Variants in PIGT observed in about 807,000 individuals in gnomAD.
PIGT encodes the protein GPI-anchor transamidase component PIGT.
PIGT carries 57 observed loss-of-function variants against 66.7 expected under a neutral mutation model. The observed-to-expected ratio is 0.86, with a 90% CI of 0.69 to 1.07. PIGT has a LOEUF of 1.07. Ranked by LOEUF, PIGT falls within the 50% of genes least tolerant of loss-of-function variation. The probability of loss-of-function intolerance (pLI) is 0.00; values close to 1 mark genes in which losing one functional copy is unlikely to be tolerated. For synonymous variants in PIGT, 362 were observed against 320.5 expected (o/e 1.13, Z -1.38); for missense variants, 725 against 740.4 (o/e 0.98, Z 0.24).
In PIGT at chr20:45,416,243, C is replaced by T. The variant is rs1256812189; in HGVS notation, c.87C>T (p.Ser29=). The T allele has an allele frequency of 6.3e-6, 10 of 1,596,346 alleles. No individual in the cohort carries two copies. The highest frequency in any genetic ancestry group is 3.3e-4 in the Middle Eastern group (2 of 5,998). The change falls in exon 1 of 12, where the codon AGC becomes AGT. Residue 29 remains serine (S), a synonymous_variant. Transcript: ENST00000279036. ...GWCLAEPPRD[S]LREELVITPL... ...GCCTTGCAGAACCCCCACGCGACAGCCTGCGGGAGGAACTTGTCATCACCC... is the reference window on the plus strand; with the variant it reads ...GCCTTGCAGAACCCCCACGCGACAGTCTGCGGGAGGAACTTGTCATCACCC...
At chr20:45,424,630 C>A in intron 11 of PIGT, 51 bp downstream of exon 11, 2 of 1,458,398 alleles carry the variant, frequency 1.4e-6, no homozygotes, top group Non-Finnish European at 1.9e-6. Flanking sequence ...CCTGCTGGGC[C>A]TTAACACAGG....
At chr20:45,420,471 C>G (rs772414501) in intron 7 of PIGT, 42 bp downstream of exon 7, 1 of 1,610,806 alleles carries the variant, frequency 6.2e-7, no homozygotes, top group South Asian at 1.1e-5. Flanking sequence ...CACCGCTGGT[C>G]CCCAGGACCA....
At position 45,421,550 on chromosome 20, in the gene PIGT, A is replaced by G. The variant is rs753901894; in HGVS notation, c.1201A>G (p.Thr401Ala). ...TCTGCGGCTGTATGTGCACACCCTCACCATCACCTCCAAGGGCAAGGAGAA... is the reference window on the plus strand; with the variant it reads ...TCTGCGGCTGTATGTGCACACCCTCGCCATCACCTCCAAGGGCAAGGAGAA... Reference protein sequence around the residue: ...WYLRLYVHTLTITSKGKENKP... With the variant: ...WYLRLYVHTLAITSKGKENKP... The change falls in exon 9 of 12, where the codon ACC becomes GCC. Residue 401 changes from threonine to alanine, a missense_variant. This residue lies in a region of PIGT where 559 missense variants were observed against 552.7 expected (regional missense o/e 1.01). Coordinates refer to ENST00000279036, the MANE Select transcript of PIGT (RefSeq NM_015937.6). 11 of 1,613,848 alleles carry G rather than the reference A, an allele frequency of 6.8e-6. No homozygotes were observed. Among genetic ancestry groups the G allele is most frequent in the Non-Finnish European group, 9.3e-6 (11 of 1,179,972 alleles).
In PIGT at chr20:45,419,349, C is replaced by T; in HGVS notation, c.548C>T (p.Thr183Ile). 4 of 1,614,132 alleles carry T rather than the reference C, an allele frequency of 2.5e-6. No individual in the cohort carries two copies. Among genetic ancestry groups the T allele is most frequent in the Non-Finnish European group, 2.5e-6 (3 of 1,179,978 alleles). ...YAVLPREVVC[T>I]ENLTPWKKLL... ...GTGCTGCCGCGGGAGGTGGTCTGCA[C>T]CGAAAACCTCACCCCCTGGAAGAAG... Residue 183 changes from threonine (T) to isoleucine (I), a missense_variant, in exon 4 of 12, where the codon ACC (threonine) becomes ATC (isoleucine). Physicochemically the swap from Thr to Ile is moderately conservative, Grantham distance 89. Around this residue, in one of 3 missense-constraint regions of PIGT, gnomAD observed 559 missense variants for 552.7 expected, o/e 1.01. Transcript: ENST00000279036.
rs146137431 is a variant in PIGT at position 45,416,788 on chromosome 20, C to T, written c.365+94C>T. ...GCCACTGCTCTTGGGGACAGCACTT[C>T]CAGTAGGCAGCGATTCCATGGGGGT... On this transcript the variant is annotated intron_variant, in intron 2 of 11. Transcript: ENST00000279036. 1.2e-5 allele frequency: 14 copies of T among 1,164,618 alleles called. No individual in the cohort carries two copies. In the East Asian group the frequency reaches 3.7e-4, roughly 31 times the overall value. 72.1% of individuals were successfully genotyped at this position (1,164,618 alleles called of 1,614,324 possible). A position where few individuals can be genotyped will look rare whatever the true frequency, so the allele number is the denominator to read the frequency against.
At position 45,421,448 on chromosome 20, in the gene PIGT, G is replaced by A; in HGVS notation, c.1099G>A (p.Glu367Lys). Residue 367 changes from glutamate to lysine, a missense_variant, in exon 9 of 12, where the codon GAG becomes AAG. Coordinates refer to ENST00000279036, the MANE Select transcript of PIGT (RefSeq NM_015937.6). ...YVSGYGLQKGELSTLLYNTHP... is the reference protein window; with the variant it reads ...YVSGYGLQKGKLSTLLYNTHP... Reference sequence around the variant, plus strand: ...GAGTGGCTATGGGCTGCAGAAGGGGGAGCTGAGCACACTGCTGTACAACAC... The same window carrying A: ...GAGTGGCTATGGGCTGCAGAAGGGGAAGCTGAGCACACTGCTGTACAACAC... The A allele has an allele frequency of 2.5e-6, 4 of 1,614,172 alleles. No homozygotes were observed. The highest frequency in any genetic ancestry group is 2.5e-6 in the Non-Finnish European group (3 of 1,180,020).
At chr20:45,420,038 A>G in intron 5 of PIGT, 98 bp from the exon 6 acceptor site, 1 of 839,018 alleles carries the variant, frequency 1.2e-6, no homozygotes, top group Admixed American at 2.1e-5. Context: ...GGATGTGAAG[A>G]TACATAGATG....
At chr20:45,424,174 T>C (rs763753641) in intron 9 of PIGT, 42 bp from the exon 10 acceptor site, 1 of 1,600,788 alleles carries the variant, frequency 6.2e-7, no homozygotes, top group South Asian at 1.1e-5. Context: ...GCAGGTAGCC[T>C]GACCCCAGGA....
At chr20:45,416,438 TTCCTGGGTAGAGTTCGGGA>T in intron 1 of PIGT, 60 bp from the exon 2 acceptor site, 1 of 1,568,796 alleles carries the variant, frequency 6.4e-7, no homozygotes. Context: ...CGGGGCCTAA[TTCCTGGGTAGAGTTCGGGA>T]TCCTGGGTGT....
intron 11 of PIGT, chr20:45,425,147 C>CTT (rs765313308): frequency 2.5e-5 from 1 of 40,040 alleles, no homozygotes; most frequent in African/African-American, 9.7e-5. Flanking sequence ...CTTTCTCTTT[C>CTT]TTTCTTTCTT....
At chr20:45,420,940 G>A (rs1479441722) in intron 8 of PIGT, 4 of 573,480 alleles carry the variant, frequency 7.0e-6, no homozygotes, top group Non-Finnish European at 1.2e-5. Flanking sequence ...GAAAAATGGA[G>A]TTAGTTCATG....
In PIGT at chr20:45,420,237, G is replaced by T. The variant is rs964969212; in HGVS notation, c.769+14G>T. 21 of 1,605,424 alleles carry T rather than the reference G, an allele frequency of 1.3e-5. No individual in the cohort carries two copies. The highest frequency in any genetic ancestry group is 1.5e-5 in the Non-Finnish European group (18 of 1,174,488). ...AGGGAAAGAAAGGTAAGTTACCTTGGCAACTCATCTGTACCCACCCATGCC... is the reference window on the plus strand; with the variant it reads ...AGGGAAAGAAAGGTAAGTTACCTTGTCAACTCATCTGTACCCACCCATGCC... On this transcript the variant is annotated intron_variant, in intron 6 of 11. Coordinates refer to ENST00000279036, the MANE Select transcript of PIGT (RefSeq NM_015937.6).
At position 45,426,241 on chromosome 20, in the gene PIGT, G is replaced by A. The variant is rs1286711989; in HGVS notation, c.*415G>A. On this transcript the variant is annotated 3_prime_UTR_variant, in exon 12 of 12. Transcript: ENST00000279036. ...GTGGAATAAAAACGGCTGTTTCCGT[G>A]GTTCTTTGCCTCTTGTCCTTGAGTC... 1 of 180,648 alleles carries A rather than the reference G, an allele frequency of 5.5e-6. No individual in the cohort carries two copies. The highest frequency in any genetic ancestry group is 2.4e-5 in the African/African-American group (1 of 42,346). 11.2% of individuals were successfully genotyped at this position (180,648 alleles called of 1,614,324 possible). A position where few individuals can be genotyped will look rare whatever the true frequency, so the allele number is the denominator to read the frequency against.
intron 1 of PIGT, 43 bp downstream of exon 1, chr20:45,416,386 C>T (rs757019903): frequency 4.1e-5 from 64 of 1,552,984 alleles, no homozygotes; most frequent in African/African-American, 1.1e-4. Context: ...TCCGTAGTGC[C>T]TGCTGGCTGG....
Position 45,425,610 on chromosome 20 carries a change from G to T in PIGT, c.1521G>T (p.Arg507=), listed in dbSNP as rs1990695926. 1.2e-6 allele frequency: 2 copies of T among 1,613,930 alleles called. No homozygotes were observed. Among genetic ancestry groups the T allele is most frequent in the Non-Finnish European group, 1.7e-6 (2 of 1,179,996 alleles). ...PVSDGSNYFV[R]LYTEPLLVNL... is the part of the protein sequence containing the mutation. ...CTGATGGCTCTAACTACTTTGTGCG[G>T]CTCTACACGGAGCCGCTGCTGGTGA... Residue 507 remains arginine (R), a synonymous_variant, in exon 12 of 12, where the codon CGG becomes CGT. Transcript: ENST00000279036.
intron 2 of PIGT, 58 bp from the exon 3 acceptor site, chr20:45,418,794 T>G: frequency 1.9e-6 from 3 of 1,607,368 alleles, no homozygotes; most frequent in Middle Eastern, 3.3e-4. Context: ...GCTGTGGACT[T>G]TGAAAGAGGG....
intron 2 of PIGT, chr20:45,418,586 G>C (rs1801361254): frequency 1.4e-5 from 6 of 421,800 alleles, no homozygotes; most frequent in Non-Finnish European, 2.2e-5. Flanking sequence ...GTTAGCAAAG[G>C]CTTGCAAGGA....
At chr20:45,416,800 G>A in intron 2 of PIGT, 106 bp downstream of exon 2, 1 of 975,932 alleles carries the variant, frequency 1.0e-6, no homozygotes, top group Non-Finnish European at 1.5e-6. Flanking sequence ...AGTAGGCAGC[G>A]ATTCCATGGG....
In PIGT at chr20:45,425,673, G is replaced by A; in HGVS notation, c.1584G>A (p.Val528=). 6.2e-7 allele frequency: 1 copy of A among 1,614,184 alleles called. No homozygotes were observed. The highest frequency in any genetic ancestry group is 1.1e-5 in the South Asian group (1 of 91,084). Residue 528 remains valine (V), a synonymous_variant, in exon 12 of 12, where the codon GTG becomes GTA. Transcript: ENST00000279036. ...PTPDFSMPYN[V]ICLTCTVVAV... is the part of the protein sequence containing the mutation. ...CGGACTTCAGCATGCCCTACAACGTGATCTGCCTCACGTGCACTGTGGTGG... is the reference window on the plus strand; with the variant it reads ...CGGACTTCAGCATGCCCTACAACGTAATCTGCCTCACGTGCACTGTGGTGG...
Sources: gnomAD v4.1 joint callset for allele counts on GRCh38, gnomAD v4.1.1 for gene constraint, gnomAD v4.1.1 regional missense constraint, MANE v1.5 for transcripts, NCBI Gene and HGNC (gene_info 2026-07-23, HGNC 2026-07-21) for gene names.